SMOC2: variants seen among roughly 807,000 people sequenced by gnomAD.
SMOC2 encodes the protein SPARC related modular calcium binding 2.
SMOC2 carries 39 observed loss-of-function variants against 61.4 expected under a neutral mutation model. The observed-to-expected ratio is 0.64, with a 90% confidence interval of 0.49 to 0.83. The LOEUF (loss-of-function observed/expected upper bound fraction) is 0.83. Ranked by LOEUF, SMOC2 falls within the 40% of genes least tolerant of loss-of-function variation. The probability of loss-of-function intolerance (pLI) is 0.00; values close to 1 mark genes in which losing one functional copy is unlikely to be tolerated. For missense variants in SMOC2, 556 were observed against 592.9 expected (o/e 0.94, Z 0.65); for synonymous variants, 247 against 239.9 (o/e 1.03, Z -0.27).
At chr6:168,650,804 G>T in intron 10 of SMOC2, 21 bp downstream of exon 10, 2 of 1,597,724 alleles carry the variant, frequency 1.3e-6, no homozygotes. Context: ...TTCGCCGTGG[G>T]ACAACAAGTT....
intron 2 of SMOC2, among the ~76,000 whole-genome samples, chr6:168,517,422 G>T (rs1250223924): frequency 1.3e-5 from 2 of 152,360 alleles, no homozygotes; most frequent in African/African-American, 4.8e-5. Context: ...CGGGAGGAAA[G>T]CCAGGCGGCT....
chr6:168,576,714 G>C (rs566642319), intron 7 of SMOC2, among the ~76,000 whole-genome samples: 1 of 152,038 alleles, frequency 6.6e-6, no homozygotes, highest in African/African-American at 2.4e-5. Context: ...ATGAGGGAAG[G>C]TTTCCCTGAG....
At chr6:168,464,521 G>T (rs531131692) in intron 1 of SMOC2, among the ~76,000 whole-genome samples, 1 of 151,946 alleles carries the variant, frequency 6.6e-6, no homozygotes, top group Non-Finnish European at 1.5e-5. Flanking sequence ...TCAAGTGATT[G>T]GTTCAGTTAT....
chr6:168,610,954 A>G (rs1235110095), intron 9 of SMOC2, among the ~76,000 whole-genome samples: 1 of 152,232 alleles, frequency 6.6e-6, no homozygotes, highest in Non-Finnish European at 1.5e-5. Flanking sequence ...TTCCTAAACC[A>G]GATCTTCTTA....
chr6:168,614,114 GGA>G (rs1268798607), intron 9 of SMOC2, among the ~76,000 whole-genome samples: 3 of 75,960 alleles, frequency 3.9e-5, no homozygotes, highest in Non-Finnish European at 2.6e-5. Context: ...GCCAGCACAT[GGA>G]GCCTCTTCAC....
chr6:168,664,047 A>G, intron 11 of SMOC2, 27 bp from the exon 12 acceptor site: 1 of 1,583,680 alleles, frequency 6.3e-7, no homozygotes, highest in Admixed American at 1.7e-5. Context: ...TCTGATTTTT[A>G]ATAATATCTT....
At chr6:168,619,034 C>T (rs796320873) in intron 9 of SMOC2, among the ~76,000 whole-genome samples, 6 of 152,292 alleles carry the variant, frequency 3.9e-5, no homozygotes, top group African/African-American at 1.4e-4. Flanking sequence ...GTTAGATGAC[C>T]TATGACCTGA....
intron 1 of SMOC2, among the ~76,000 whole-genome samples, chr6:168,491,047 G>T (rs749945432): frequency 4.6e-5 from 7 of 152,298 alleles, no homozygotes; most frequent in Admixed American, 1.3e-4. Flanking sequence ...GGGCAGCGGG[G>T]GCGGCTGGTC....
intron 11 of SMOC2, among the ~76,000 whole-genome samples, chr6:168,661,564 T>C (rs1293044457): frequency 6.6e-6 from 1 of 152,134 alleles, no homozygotes; most frequent in Admixed American, 6.5e-5. Context: ...ATCGCGCCAC[T>C]GCACTCCATC....
Position 168,551,060 on chromosome 6 carries a change from C to T in SMOC2, c.637+1857C>T, listed in dbSNP as rs766465195. Reference sequence around the variant, plus strand: ...GGTGGAGATAATTGAATCATGAGGGCGGTTCCCCCCATGCTGTTCTCATGA... The same window carrying T: ...GGTGGAGATAATTGAATCATGAGGGTGGTTCCCCCCATGCTGTTCTCATGA... On this transcript the variant is annotated intron_variant, in intron 7 of 12. Coordinates refer to ENST00000356284, the MANE Select transcript of SMOC2 (RefSeq NM_001166412.2). Among the ~76,000 whole-genome samples, 47 of 152,148 alleles carry T rather than the reference C, an allele frequency of 3.1e-4. 1 individual carries two copies. Among genetic ancestry groups the T allele is most frequent in the Non-Finnish European group, 6.2e-4 (42 of 68,030 alleles).
intron 1 of SMOC2, among the ~76,000 whole-genome samples, chr6:168,502,583 G>A (rs1197533895): frequency 6.6e-6 from 1 of 152,134 alleles, no homozygotes; most frequent in African/African-American, 2.4e-5. Flanking sequence ...AAGGCAAAAG[G>A]GGGTCAGGAA....
chr6:168,613,466 C>T (rs936215224), intron 9 of SMOC2, among the ~76,000 whole-genome samples: 2 of 152,144 alleles, frequency 1.3e-5, no homozygotes, highest in Admixed American at 6.5e-5. Context: ...AGAGCTCTTC[C>T]GCCTGGCACA....
chr6:168,512,570 T>G (rs1449181498), intron 2 of SMOC2, among the ~76,000 whole-genome samples: 1 of 152,234 alleles, frequency 6.6e-6, no homozygotes, highest in Non-Finnish European at 1.5e-5. Flanking sequence ...TGAAGTGCAG[T>G]GGCAGTATCA....
intron 1 of SMOC2, among the ~76,000 whole-genome samples, chr6:168,474,162 C>A (rs967124334): frequency 6.6e-6 from 1 of 152,096 alleles, no homozygotes; most frequent in African/African-American, 2.4e-5. Context: ...GGGAGGAAAG[C>A]CCCCTGGGGA....
At position 168,553,594 on chromosome 6, in the gene SMOC2, C is replaced by A. The variant is rs1784178466; in HGVS notation, c.637+4391C>A. 6.6e-6 allele frequency among the ~76,000 whole-genome samples: 1 copy of A among 152,218 alleles called. No individual in the cohort carries two copies. The highest frequency in any genetic ancestry group is 1.5e-5 in the Non-Finnish European group (1 of 68,042). On this transcript the variant is annotated intron_variant, in intron 7 of 12. Transcript: ENST00000356284. The surrounding 1 kb of genome is among the most constrained non-coding windows in gnomAD (Gnocchi z 4.2). The stretch of plus-strand genomic sequence containing the variant: ...TAACATCTTCACAAAATAACAAACA[C>A]TCTTCATGAATTACCAACACCAAGG...
intron 1 of SMOC2, among the ~76,000 whole-genome samples, chr6:168,485,438 GTGAA>G (rs1562551102): frequency 6.6e-6 from 1 of 152,276 alleles, no homozygotes; most frequent in Non-Finnish European, 1.5e-5. Context: ...TCATCAGCCA[GTGAA>G]TGAATAAGTA....
intron 4 of SMOC2, among the ~76,000 whole-genome samples, chr6:168,532,805 A>AC (rs1783641665): frequency 6.6e-6 from 1 of 151,880 alleles, no homozygotes; most frequent in Admixed American, 6.6e-5. Context: ...CCATCTTGAG[A>AC]CCCCCAGCCT....
chr6:168,630,238 G>A (rs1786531376), intron 9 of SMOC2, among the ~76,000 whole-genome samples: 1 of 152,196 alleles, frequency 6.6e-6, no homozygotes, highest in Admixed American at 6.5e-5. Flanking sequence ...TCCTGTTGCG[G>A]GAAGTCAGGG....
chr6:168,660,946 T>C (rs1787494002), intron 11 of SMOC2, among the ~76,000 whole-genome samples: 1 of 152,198 alleles, frequency 6.6e-6, no homozygotes, highest in Non-Finnish European at 1.5e-5. Flanking sequence ...TAATCTGATA[T>C]GTCTCATTTT....
Sources: gnomAD v4.1 joint callset for allele counts (sites outside exome capture counted in the v4.1 genomes callset) on GRCh38, gnomAD v4.1.1 for gene constraint, Gnocchi (gnomAD v3.1) non-coding constraint, MANE v1.5 for transcripts, NCBI Gene and HGNC (gene_info 2026-07-23, HGNC 2026-07-21) for gene names.